The following RANBP2 variants were observed in gnomAD, a reference collection of about 807,000 sequenced individuals.
RANBP2 encodes the protein RAN binding protein 2.
RANBP2 carries 57 observed loss-of-function variants against 303.6 expected under a neutral mutation model. That is an observed-to-expected ratio of 0.19 (90% CI 0.15 to 0.23). The LOEUF is 0.23. Among genes scored for constraint, RANBP2 ranks in the 10% least tolerant of loss-of-function variants. The probability of loss-of-function intolerance (pLI) is 1.00; values close to 1 mark genes in which losing one functional copy is unlikely to be tolerated. For missense variants in RANBP2, 3,138 were observed against 3,780.8 expected (o/e 0.83, Z 4.46); for synonymous variants, 1,167 against 1,301.5 (o/e 0.90, Z 2.23).
the RANBP2 span, among the ~76,000 whole-genome samples, chr2:108,818,545 T>G: frequency 6.6e-6 from 1 of 152,162 alleles, no homozygotes; most frequent in East Asian, 1.9e-4. Flanking sequence ...TTTTAAGGTG[T>G]ATAAATAAGC....
the RANBP2 span, among the ~76,000 whole-genome samples, chr2:108,797,473 G>T: frequency 6.6e-6 from 1 of 152,196 alleles, no homozygotes; most frequent in Non-Finnish European, 1.5e-5. Context: ...TCTTAAGTGA[G>T]TTGAGGAGTG....
the RANBP2 span, among the ~76,000 whole-genome samples, chr2:108,877,559 C>T: frequency 6.6e-6 from 1 of 151,106 alleles, no homozygotes; most frequent in African/African-American, 2.4e-5. Flanking sequence ...ATTAGCATGA[C>T]AAGAACAAAC....
the RANBP2 span, among the ~76,000 whole-genome samples, chr2:109,378,271 C>G: frequency 5.9e-5 from 9 of 152,322 alleles, no homozygotes; most frequent in South Asian, 1.9e-3. Context: ...TGGTCTCTGC[C>G]TTCCCTCCTC....
the RANBP2 span, among the ~76,000 whole-genome samples, chr2:109,339,604 G>T: frequency 6.6e-6 from 1 of 152,172 alleles, no homozygotes; most frequent in East Asian, 1.9e-4. Context: ...GGGGCTGCAG[G>T]GGTTGCCGGT....
At chr2:109,384,977 A>G in the RANBP2 span, among the ~76,000 whole-genome samples, 1 of 151,812 alleles carries the variant, frequency 6.6e-6, no homozygotes, top group South Asian at 2.1e-4. Flanking sequence ...ATAAATCTAG[A>G]CTCCTCACTG....
the RANBP2 span, chr2:108,989,407 AT>A: frequency 5.2e-3 from 775 of 147,824 alleles, 3 homozygotes; most frequent in African/African-American, 0.018. Context: ...AAAATCATGG[AT>A]TTTTTTTTTT....
At chr2:109,578,894 G>A in the RANBP2 span, among the ~76,000 whole-genome samples, 1 of 152,024 alleles carries the variant, frequency 6.6e-6, no homozygotes, top group Non-Finnish European at 1.5e-5. Flanking sequence ...AAATCAATGA[G>A]AAATTGGAAC....
the RANBP2 span, among the ~76,000 whole-genome samples, chr2:109,497,167 A>G: frequency 2.6e-5 from 4 of 152,346 alleles, no homozygotes; most frequent in East Asian, 1.9e-4. Context: ...CGTTATAGCC[A>G]TAAACAACTA....
the RANBP2 span, among the ~76,000 whole-genome samples, chr2:109,124,154 G>A: frequency 6.6e-6 from 1 of 151,916 alleles, no homozygotes; most frequent in East Asian, 1.9e-4. Context: ...GGGATTAAAG[G>A]CACATGCCAC....
chr2:109,576,411 A>AT, the RANBP2 span, among the ~76,000 whole-genome samples: 5 of 151,932 alleles, frequency 3.3e-5, no homozygotes, highest in South Asian at 6.2e-4. Flanking sequence ...AAAAAATGAT[A>AT]TTTTTTTTAA....
At chr2:109,659,123 G>A in the RANBP2 span, among the ~76,000 whole-genome samples, 117 of 148,968 alleles carry the variant, frequency 7.9e-4, no homozygotes, top group Non-Finnish European at 1.1e-3. Context: ...ATGCCTGTAA[G>A]CCCAGCACTT....
chr2:109,630,793 C>T, the RANBP2 span, among the ~76,000 whole-genome samples: 1 of 152,144 alleles, frequency 6.6e-6, no homozygotes, highest in African/African-American at 2.4e-5. Flanking sequence ...AGGCTGGGCG[C>T]GGTGGCTCAT....
At chr2:109,526,253 G>A in the RANBP2 span, among the ~76,000 whole-genome samples, 1 of 152,156 alleles carries the variant, frequency 6.6e-6, no homozygotes, top group South Asian at 2.1e-4. Context: ...GCTGCCTGCT[G>A]TTGCCTGTGG....
the RANBP2 span, chr2:109,398,755 G>T: frequency 6.2e-7 from 1 of 1,613,650 alleles, no homozygotes; most frequent in South Asian, 1.1e-5. Flanking sequence ...GCGGCGTGTG[G>T]ATGGCAAGAA....
chr2:108,957,995 T>C, the RANBP2 span, among the ~76,000 whole-genome samples: 1 of 152,204 alleles, frequency 6.6e-6, no homozygotes, highest in African/African-American at 2.4e-5. Context: ...AAAATGTTTG[T>C]CTTTAAGCAG....
chr2:109,664,768 A>G, the RANBP2 span, among the ~76,000 whole-genome samples: 2 of 152,092 alleles, frequency 1.3e-5, no homozygotes, highest in Admixed American at 6.5e-5. Flanking sequence ...TACCTCTACT[A>G]AAAACACAAA....
chr2:109,130,550 G>A, the RANBP2 span, among the ~76,000 whole-genome samples: 5 of 152,136 alleles, frequency 3.3e-5, no homozygotes, highest in Admixed American at 3.3e-4. Flanking sequence ...GGAAGCCCGC[G>A]GGCCTCCTGC....
At chr2:109,069,597 C>T in the RANBP2 span, among the ~76,000 whole-genome samples, 1 of 152,244 alleles carries the variant, frequency 6.6e-6, no homozygotes, top group Non-Finnish European at 1.5e-5. Flanking sequence ...CCTGAGACAA[C>T]GTACTTTGTT....
At chr2:109,471,206 CAAAAAAAAAAAAAAA>C in the RANBP2 span, among the ~76,000 whole-genome samples, 8 of 40,166 alleles carry the variant, frequency 2.0e-4, no homozygotes, top group East Asian at 5.9e-3. Flanking sequence ...GACTCTGTCT[CAAAAAAAAAAAAAAA>C]AAAAAAAAAA....
Sources: allele counts gnomAD v4.1 joint callset (sites outside exome capture counted in the v4.1 genomes callset), GRCh38; gene constraint gnomAD v4.1.1; transcripts MANE v1.5; gene names NCBI Gene and HGNC (gene_info 2026-07-23, HGNC 2026-07-21).